The following NFATC2 variants were observed in gnomAD, a reference collection of about 807,000 sequenced individuals.
NFATC2 encodes the protein nuclear factor of activated T cells 2.
Under a neutral mutation model 87.3 loss-of-function variants are expected in NFATC2, and 22 were observed. The observed-to-expected ratio is 0.25, with a 90% confidence interval of 0.18 to 0.36. NFATC2 has a LOEUF of 0.36. Among genes scored for constraint, NFATC2 ranks in the 10% least tolerant of loss-of-function variants. The pLI is 1.00. For missense variants in NFATC2, 1,149 were observed against 1,259.1 expected (o/e 0.91, Z 1.32); for synonymous variants, 565 against 542.2 (o/e 1.04, Z -0.58).
chr20:51,551,818 G>T (rs138103792), intron 1 of NFATC2, among the ~76,000 whole-genome samples: 3,773 of 150,848 alleles, frequency 0.025, 97 homozygotes, highest in African/African-American at 0.061. Context: ...ATGAGGTCAG[G>T]AGATCAAGAC....
At chr20:51,453,054 C>T (rs1281091859) in intron 6 of NFATC2, 1 of 154,736 alleles carries the variant, frequency 6.5e-6, no homozygotes, top group East Asian at 1.9e-4. Flanking sequence ...ACTCCCGACC[C>T]ATCCCTGCAT....
intron 1 of NFATC2, among the ~76,000 whole-genome samples, chr20:51,534,749 G>C (rs1210039926): frequency 6.6e-6 from 1 of 152,118 alleles, no homozygotes; most frequent in Non-Finnish European, 1.5e-5. Flanking sequence ...GTCCCCCAGA[G>C]GGTTCTCTGT....
intron 9 of NFATC2, among the ~76,000 whole-genome samples, chr20:51,431,825 G>A (rs1334841584): frequency 1.3e-5 from 2 of 152,060 alleles, no homozygotes; most frequent in East Asian, 1.9e-4. Flanking sequence ...CTATGGGGGC[G>A]ATTCTGGAGG....
At chr20:51,558,439 C>T (rs571531803) in intron 1 of NFATC2, among the ~76,000 whole-genome samples, 39 of 151,456 alleles carry the variant, frequency 2.6e-4, no homozygotes, top group Non-Finnish European at 1.5e-4. Flanking sequence ...AATGAGAAAA[C>T]GCATGAGAAA....
At chr20:51,528,654 G>T (rs2076585199) in intron 1 of NFATC2, among the ~76,000 whole-genome samples, 2 of 152,216 alleles carry the variant, frequency 1.3e-5, no homozygotes, top group Admixed American at 6.5e-5. Flanking sequence ...GACTTCCTTT[G>T]ATTTGTGTAA....
chr20:51,562,652 G>A, upstream of NFATC2: 1 of 1,548,390 alleles, frequency 6.5e-7, no homozygotes, highest in Non-Finnish European at 8.7e-7. This position sits in a 1 kb window ranked among gnomAD's most constrained non-coding sequence, Gnocchi z 5.8. Context: ...GGGACTTGGC[G>A]CGTGTTTGGA....
chr20:51,534,124 T>C (rs964381162), intron 1 of NFATC2, among the ~76,000 whole-genome samples: 1 of 152,142 alleles, frequency 6.6e-6, no homozygotes, highest in Non-Finnish European at 1.5e-5. Flanking sequence ...CCCCTGGAGA[T>C]AGCTACTCCG....
intron 3 of NFATC2, among the ~76,000 whole-genome samples, chr20:51,509,617 CA>C (rs2076240764): frequency 6.6e-6 from 1 of 152,204 alleles, no homozygotes; most frequent in South Asian, 2.1e-4. Context: ...CTCACGTCCC[CA>C]AACACAAAAT....
chr20:51,532,155 T>A (rs1425499814), intron 1 of NFATC2, among the ~76,000 whole-genome samples: 1 of 152,150 alleles, frequency 6.6e-6, no homozygotes, highest in African/African-American at 2.4e-5. Flanking sequence ...ACGCATCTAG[T>A]GTATGTTCAT....
At chr20:51,462,675 G>A (rs1987282563) in intron 5 of NFATC2, among the ~76,000 whole-genome samples, 1 of 152,084 alleles carries the variant, frequency 6.6e-6, no homozygotes, top group South Asian at 2.1e-4. Context: ...TAACCTCACT[G>A]GGCTGCCTGC....
At chr20:51,561,391 AAGAG>A (rs1242085061) in intron 1 of NFATC2, among the ~76,000 whole-genome samples, 3 of 146,328 alleles carry the variant, frequency 2.1e-5, no homozygotes, top group Admixed American at 1.3e-4. Context: ...GAAAGAAAGA[AAGAG>A]AGAGAAAGAA....
intron 3 of NFATC2, among the ~76,000 whole-genome samples, chr20:51,477,561 ATATAT>A (rs1349603848): frequency 8.1e-6 from 1 of 124,042 alleles, no homozygotes; most frequent in Non-Finnish European, 1.8e-5. Context: ...ATATATATAT[ATATAT>A]ATATATATAT....
At chr20:51,419,085 G>T (rs1302941636) in intron 9 of NFATC2, among the ~76,000 whole-genome samples, 1 of 152,168 alleles carries the variant, frequency 6.6e-6, no homozygotes. Context: ...ACATGCTGCT[G>T]TGTCCTCACT....
At chr20:51,450,055 A>T (rs1238339016) in intron 6 of NFATC2, among the ~76,000 whole-genome samples, 1 of 152,238 alleles carries the variant, frequency 6.6e-6, no homozygotes, top group Non-Finnish European at 1.5e-5. Context: ...AGCATGTTCA[A>T]TGTTCTGAGC....
At chr20:51,517,927 A>G (rs985331155) in intron 2 of NFATC2, among the ~76,000 whole-genome samples, 1 of 151,028 alleles carries the variant, frequency 6.6e-6, no homozygotes, top group African/African-American at 2.4e-5. Flanking sequence ...AAAAAAAAAA[A>G]CATAAACAAA....
intron 1 of NFATC2, among the ~76,000 whole-genome samples, chr20:51,560,951 TTC>T (rs997173034): frequency 4.6e-5 from 7 of 151,512 alleles, no homozygotes; most frequent in Non-Finnish European, 7.4e-5. Flanking sequence ...TCCAAGTTCT[TTC>T]TCTCTCTCTC....
intron 1 of NFATC2, among the ~76,000 whole-genome samples, chr20:51,531,855 C>T (rs192792041): frequency 6.6e-6 from 1 of 152,294 alleles, no homozygotes; most frequent in Admixed American, 6.5e-5. Flanking sequence ...TCCCCAACCC[C>T]TTCGAAAGCA....
intron 5 of NFATC2, 22 bp downstream of exon 5, chr20:51,473,958 C>T (rs370554671): frequency 9.3e-6 from 15 of 1,606,336 alleles, no homozygotes; most frequent in East Asian, 2.2e-5. Flanking sequence ...GAAGAAAGAC[C>T]GGGCCCCAGG....
chr20:51,404,252 C>A (rs1335039718), intron 9 of NFATC2, among the ~76,000 whole-genome samples: 2 of 152,240 alleles, frequency 1.3e-5, no homozygotes, highest in Non-Finnish European at 2.9e-5. Context: ...GACACACAGA[C>A]AGCTGGGGTC....
Sources: gnomAD v4.1 joint callset for allele counts (sites outside exome capture counted in the v4.1 genomes callset) on GRCh38, gnomAD v4.1.1 for gene constraint, Gnocchi (gnomAD v3.1) non-coding constraint, MANE v1.5 for transcripts, NCBI Gene and HGNC (gene_info 2026-07-23, HGNC 2026-07-21) for gene names.